Variants in MSRA observed in about 807,000 individuals in gnomAD.
The protein encoded by MSRA is methionine sulfoxide reductase A.
In MSRA, 54 loss-of-function variants were observed where a neutral mutation model predicts 31.3. The ratio of observed to expected loss-of-function variants is 1.73; its 90% CI spans 1.39 to 2.17. The LOEUF (loss-of-function observed/expected upper bound fraction) is 2.17, where lower values mean the gene tolerates loss of function less well. Among genes scored for constraint, MSRA ranks in the 30% most tolerant of loss-of-function variants. The pLI, the probability that MSRA is intolerant of heterozygous loss-of-function variation, is 0.00. For missense variants in MSRA, 507 were observed against 300.9 expected (o/e 1.69, Z -5.07); for synonymous variants, 169 against 116.5 (o/e 1.45, Z -2.90).
intron 2 of MSRA, among the ~76,000 whole-genome samples, chr8:10,223,561 C>G (rs1265106251): frequency 1.3e-5 from 2 of 152,038 alleles, no homozygotes; most frequent in African/African-American, 2.4e-5. Context: ...CAAACTGTAG[C>G]ACATAGAGAA....
chr8:10,114,765 C>T (rs1376990045), intron 1 of MSRA, among the ~76,000 whole-genome samples: 2 of 152,024 alleles, frequency 1.3e-5, no homozygotes, highest in Non-Finnish European at 2.9e-5. Flanking sequence ...AGAAAGGAAG[C>T]CTTAAATTAA....
At chr8:10,078,194 C>T (rs932669299) in intron 1 of MSRA, among the ~76,000 whole-genome samples, 1 of 152,188 alleles carries the variant, frequency 6.6e-6, no homozygotes, top group Non-Finnish European at 1.5e-5. Context: ...CTCTGCAGTT[C>T]TGAAATTTCC....
At chr8:10,062,039 T>G (rs1333548257) in intron 1 of MSRA, among the ~76,000 whole-genome samples, 1 of 151,774 alleles carries the variant, frequency 6.6e-6, no homozygotes, top group Non-Finnish European at 1.5e-5. Context: ...AGGCAAGGAG[T>G]GGGAGCCTGG....
At chr8:10,097,129 T>C (rs772719928) in intron 1 of MSRA, among the ~76,000 whole-genome samples, 4 of 152,188 alleles carry the variant, frequency 2.6e-5, no homozygotes, top group African/African-American at 4.8e-5. Context: ...TATAAAATTA[T>C]AGTGACACAT....
At chr8:10,167,919 A>C (rs952362045) in intron 1 of MSRA, among the ~76,000 whole-genome samples, 2 of 152,154 alleles carry the variant, frequency 1.3e-5, no homozygotes, top group African/African-American at 4.8e-5. Flanking sequence ...TATTTAAGAA[A>C]ATGGACCGCG....
chr8:10,308,991 C>G (rs114954315), intron 4 of MSRA, among the ~76,000 whole-genome samples: 202 of 152,304 alleles, frequency 1.3e-3, no homozygotes, highest in African/African-American at 4.7e-3. Context: ...GCTCCAGGAT[C>G]GAGGAGAGCA....
At chr8:10,096,159 T>G in intron 1 of MSRA, 1 of 1,252,970 alleles carries the variant, frequency 8.0e-7, no homozygotes. Flanking sequence ...AAAAGTTGTT[T>G]TATCCATGTG....
chr8:10,089,140 A>C (rs201880074), intron 1 of MSRA, among the ~76,000 whole-genome samples: 15 of 28,340 alleles, frequency 5.3e-4, no homozygotes, highest in Admixed American at 2.3e-3. Flanking sequence ...CTTTTGTCCC[A>C]CACACACACA....
At chr8:10,131,887 T>G (rs1801924471) in intron 1 of MSRA, among the ~76,000 whole-genome samples, 1 of 152,244 alleles carries the variant, frequency 6.6e-6, no homozygotes, top group Non-Finnish European at 1.5e-5. Flanking sequence ...TAACATCTCA[T>G]ATTTTATTTA....
At chr8:10,198,593 A>C (rs1456816568) in intron 1 of MSRA, among the ~76,000 whole-genome samples, 1 of 152,160 alleles carries the variant, frequency 6.6e-6, no homozygotes, top group Non-Finnish European at 1.5e-5. Flanking sequence ...TGCAGTGACT[A>C]GGTCGAAGGG....
intron 5 of MSRA, among the ~76,000 whole-genome samples, chr8:10,409,645 G>A (rs892607677): frequency 1.3e-5 from 2 of 151,926 alleles, no homozygotes; most frequent in African/African-American, 2.4e-5. Flanking sequence ...CTGGTACAGG[G>A]TGAATGCATA....
intron 5 of MSRA, among the ~76,000 whole-genome samples, chr8:10,418,325 C>T (rs1262463143): frequency 6.6e-6 from 1 of 152,064 alleles, no homozygotes; most frequent in Non-Finnish European, 1.5e-5. Context: ...ACAGCCATTC[C>T]TCCTTGCCAC....
At chr8:10,344,441 G>C (rs1417780940) in intron 5 of MSRA, among the ~76,000 whole-genome samples, 1 of 151,938 alleles carries the variant, frequency 6.6e-6, no homozygotes, top group Non-Finnish European at 1.5e-5. Context: ...AGGCGTGGTG[G>C]TGGGCTCCTG....
chr8:10,400,378 T>TGTGTGTGTAGTGTGTA (rs58129201), intron 5 of MSRA, among the ~76,000 whole-genome samples: 1 of 110,262 alleles, frequency 9.1e-6, no homozygotes, highest in Non-Finnish European at 2.3e-5. Context: ...TGTGTGTGTG[T>TGTGTGTGTAGTGTGTA]GTGTGTAGTG....
chr8:10,176,527 G>A (rs1199315239), intron 1 of MSRA, among the ~76,000 whole-genome samples: 2 of 152,198 alleles, frequency 1.3e-5, no homozygotes, highest in South Asian at 4.1e-4. Context: ...TCATGGTAGG[G>A]TCCAGGGCTG....
intron 3 of MSRA, among the ~76,000 whole-genome samples, chr8:10,278,463 G>A (rs1426558801): frequency 2.6e-5 from 4 of 152,188 alleles, no homozygotes; most frequent in African/African-American, 9.7e-5. Flanking sequence ...GCAATTCAGG[G>A]GGTCATACAG....
intron 2 of MSRA, among the ~76,000 whole-genome samples, chr8:10,224,902 A>G (rs1196945654): frequency 6.6e-6 from 1 of 152,172 alleles, no homozygotes; most frequent in Non-Finnish European, 1.5e-5. Context: ...CTGTAATGCC[A>G]GTACTTTGGG....
intron 1 of MSRA, among the ~76,000 whole-genome samples, chr8:10,063,048 G>A (rs1449856155): frequency 6.6e-6 from 1 of 152,152 alleles, no homozygotes; most frequent in Non-Finnish European, 1.5e-5. Flanking sequence ...CTGCCCTTCT[G>A]TTTCCAAATA....
chr8:10,152,042 A>G (rs771353384), intron 1 of MSRA, among the ~76,000 whole-genome samples: 4 of 152,214 alleles, frequency 2.6e-5, no homozygotes, highest in South Asian at 2.1e-4. Context: ...TCTTATTTCA[A>G]TGTGTACACA....
Sources: allele counts gnomAD v4.1 joint callset (sites outside exome capture counted in the v4.1 genomes callset), GRCh38; gene constraint gnomAD v4.1.1; transcripts MANE v1.5; gene names NCBI Gene and HGNC (gene_info 2026-07-23, HGNC 2026-07-21).